The following TAOK1 variants were observed in gnomAD, a reference collection of about 807,000 sequenced individuals.
TAOK1 encodes TAO kinase 1.
TAOK1 carries 21 observed loss-of-function variants against 138.3 expected under a neutral mutation model. The ratio of observed to expected loss-of-function variants is 0.15; its 90% confidence interval spans 0.11 to 0.22. The LOEUF (loss-of-function observed/expected upper bound fraction) is 0.22. Ranked by LOEUF, TAOK1 falls within the 10% of genes least tolerant of loss-of-function variation. The pLI is 1.00. For synonymous variants in TAOK1, 361 were observed against 398.4 expected (o/e 0.91, Z 1.12); for missense variants, 651 against 1,227.7 (o/e 0.53, Z 7.02).
chr17:29,523,355 A>C (rs968328726), intron 17 of TAOK1, among the ~76,000 whole-genome samples: 2 of 151,294 alleles, frequency 1.3e-5, no homozygotes, highest in African/African-American at 4.8e-5. Context: ...CCCTCCATCA[A>C]AGTCAACTGC....
intron 18 of TAOK1, among the ~76,000 whole-genome samples, chr17:29,531,360 C>T (rs2032104191): frequency 2.0e-5 from 3 of 151,698 alleles, no homozygotes; most frequent in South Asian, 2.1e-4. Flanking sequence ...CTCACTGCAA[C>T]CTCCACCTCC....
intron 18 of TAOK1, among the ~76,000 whole-genome samples, chr17:29,532,427 G>A (rs2032135143): frequency 6.6e-6 from 1 of 151,536 alleles, no homozygotes; most frequent in South Asian, 2.1e-4. Flanking sequence ...GACAATAGTG[G>A]AGGGAAGGTC....
At chr17:29,427,787 C>T (rs1965446) in intron 1 of TAOK1, among the ~76,000 whole-genome samples, 94,157 of 151,512 alleles carry the variant, frequency 0.62, 30,456 homozygotes, top group East Asian at 0.97. Flanking sequence ...ATTAGCTGGG[C>T]GTGGTGGTGG....
At chr17:29,528,209 C>T (rs568340369) in intron 17 of TAOK1, among the ~76,000 whole-genome samples, 1 of 152,144 alleles carries the variant, frequency 6.6e-6, no homozygotes, top group African/African-American at 2.4e-5. Flanking sequence ...GCCACCACAC[C>T]GGGCTAATTT....
At chr17:29,456,133 A>G (rs1484259038) in intron 2 of TAOK1, among the ~76,000 whole-genome samples, 1 of 150,402 alleles carries the variant, frequency 6.6e-6, no homozygotes, top group Non-Finnish European at 1.5e-5. Flanking sequence ...AGATCACCTG[A>G]GGTCAGGGGT....
intron 3 of TAOK1, among the ~76,000 whole-genome samples, chr17:29,468,457 T>C (rs1354345633): frequency 2.0e-5 from 3 of 151,632 alleles, no homozygotes; most frequent in Non-Finnish European, 4.4e-5. Flanking sequence ...AAACTGTCAT[T>C]TTAAATATTC....
intron 9 of TAOK1, among the ~76,000 whole-genome samples, chr17:29,490,427 AG>A (rs2031274601): frequency 6.6e-6 from 1 of 152,180 alleles, no homozygotes; most frequent in South Asian, 2.1e-4. Context: ...GATAAATTCT[AG>A]GGGGATATTT....
At chr17:29,476,261 T>C (rs1475894826) in intron 4 of TAOK1, among the ~76,000 whole-genome samples, 1 of 152,248 alleles carries the variant, frequency 6.6e-6, no homozygotes. Flanking sequence ...GCCCTTTTGT[T>C]ACCAGGAATG....
intron 18 of TAOK1, among the ~76,000 whole-genome samples, chr17:29,530,902 G>A (rs1199548435): frequency 6.6e-6 from 1 of 151,136 alleles, no homozygotes; most frequent in African/African-American, 2.4e-5. Flanking sequence ...TTGGGAAGCA[G>A]TGAGCAAAAG....
chr17:29,481,650 G>GCC (rs2031064985), intron 7 of TAOK1, among the ~76,000 whole-genome samples: 2 of 151,934 alleles, frequency 1.3e-5, no homozygotes, highest in Non-Finnish European at 2.9e-5. Flanking sequence ...TGATAATGAT[G>GCC]GATAGTGAAA....
chr17:29,536,235 G>T (rs575996684), intron 19 of TAOK1, among the ~76,000 whole-genome samples: 1 of 152,090 alleles, frequency 6.6e-6, no homozygotes, highest in East Asian at 1.9e-4. Context: ...GGAGGCAGAG[G>T]TTGCAGTGAG....
intron 10 of TAOK1, among the ~76,000 whole-genome samples, chr17:29,492,428 T>C (rs1260135215): frequency 2.0e-5 from 3 of 152,240 alleles, no homozygotes; most frequent in Non-Finnish European, 4.4e-5. Context: ...CAATACTTAA[T>C]ATGTGCAAGA....
chr17:29,474,790 T>A (rs1294550261), intron 3 of TAOK1, among the ~76,000 whole-genome samples: 2 of 151,948 alleles, frequency 1.3e-5, no homozygotes, highest in Non-Finnish European at 2.9e-5. Context: ...GCCCATGCTA[T>A]TGGAAAAATG....
At chr17:29,514,853 G>A (rs1030032175) in intron 15 of TAOK1, 1 of 150,624 alleles carries the variant, frequency 6.6e-6, no homozygotes, top group Admixed American at 6.7e-5. Context: ...AAAATCATTA[G>A]CCAGGCATGG....
chr17:29,534,841 C>T (rs2032193913), intron 19 of TAOK1, among the ~76,000 whole-genome samples: 2 of 152,066 alleles, frequency 1.3e-5, no homozygotes, highest in Non-Finnish European at 1.5e-5. Flanking sequence ...TCTAGATGCA[C>T]ATCTTTACTT....
intron 1 of TAOK1, among the ~76,000 whole-genome samples, chr17:29,445,734 CTTTTA>C (rs947025378): frequency 2.0e-5 from 3 of 151,896 alleles, no homozygotes; most frequent in African/African-American, 7.3e-5. Flanking sequence ...GATATTTTTG[CTTTTA>C]TGTTGATGAC....
chr17:29,445,609 A>G (rs2030058432), intron 1 of TAOK1, among the ~76,000 whole-genome samples: 1 of 152,190 alleles, frequency 6.6e-6, no homozygotes, highest in South Asian at 2.1e-4. Flanking sequence ...AGAATGGAGT[A>G]TGACAATGAT....
chr17:29,533,528 C>G (rs903550971), intron 18 of TAOK1, among the ~76,000 whole-genome samples: 29 of 152,000 alleles, frequency 1.9e-4, no homozygotes, highest in Non-Finnish European at 1.8e-4. Context: ...GAGATCACCC[C>G]ACTGCACTCC....
At chr17:29,445,564 T>A (rs1167030074) in intron 1 of TAOK1, among the ~76,000 whole-genome samples, 1 of 152,244 alleles carries the variant, frequency 6.6e-6, no homozygotes, top group Non-Finnish European at 1.5e-5. Flanking sequence ...AATTTGATTT[T>A]CTGCCTCTGT....
Sources: gnomAD v4.1 joint callset for allele counts (sites outside exome capture counted in the v4.1 genomes callset) on GRCh38, gnomAD v4.1.1 for gene constraint, MANE v1.5 for transcripts, NCBI Gene and HGNC (gene_info 2026-07-23, HGNC 2026-07-21) for gene names.